Variants in RUNX2 observed in about 807,000 individuals in gnomAD.
RUNX2 encodes RUNX family transcription factor 2.
Under a neutral mutation model 51.7 loss-of-function variants are expected in RUNX2, and 10 were observed. The observed-to-expected ratio is 0.19, with a 90% confidence interval of 0.12 to 0.33. The LOEUF (loss-of-function observed/expected upper bound fraction) is 0.33. Among genes scored for constraint, RUNX2 ranks in the 10% least tolerant of loss-of-function variants. RUNX2 has a pLI of 1.00. For missense variants in RUNX2, 562 were observed against 691.3 expected, an observed-to-expected ratio of 0.81 and a Z score of 2.10; for synonymous variants, 276 against 273.6, an observed-to-expected ratio of 1.01 and a Z score of -0.09.
intron 7 of RUNX2, among the ~76,000 whole-genome samples, chr6:45,544,700 G>A (rs1582229590): frequency 6.6e-6 from 1 of 152,228 alleles, no homozygotes. Context: ...CCTGCCCATC[G>A]CTGTTAGTTC....
intron 6 of RUNX2, among the ~76,000 whole-genome samples, chr6:45,500,178 C>A (rs759408498): frequency 2.0e-5 from 3 of 152,044 alleles, no homozygotes; most frequent in Non-Finnish European, 4.4e-5. Context: ...CTTCACATAT[C>A]CATTATTTAT....
intron 5 of RUNX2, among the ~76,000 whole-genome samples, chr6:45,479,761 C>T (rs928636893): frequency 2.0e-5 from 3 of 152,246 alleles, no homozygotes; most frequent in Admixed American, 6.5e-5. Context: ...TAAATGTAAT[C>T]GCTCGAAGGA....
intron 2 of RUNX2, among the ~76,000 whole-genome samples, chr6:45,388,156 A>G (rs76142748): frequency 0.041 from 6,234 of 152,308 alleles, 176 homozygotes; most frequent in Non-Finnish European, 0.064. Flanking sequence ...TAGACCCTAG[A>G]AAAGAGCCCA....
chr6:45,469,767 G>A lies in RUNX2; in HGVS notation c.686-22174G>A, dbSNP rs115751427. Among the ~76,000 whole-genome samples, 1,002 of 152,252 alleles carry A rather than the reference G, an allele frequency of 6.6e-3. 9 individuals carry two copies. Among genetic ancestry groups the A allele is most frequent in the African/African-American group, 0.022 (902 of 41,538 alleles). On this transcript the variant is annotated intron_variant, in intron 5 of 8. Transcript: ENST00000647337. The stretch of plus-strand genomic sequence containing the variant: ...AACACATAGAGTCTAAAGAGTAAGC[G>A]AGATTTCCAAGAACTGAAAGCTTTC...
chr6:45,418,167 T>C (rs1798104271), intron 2 of RUNX2, among the ~76,000 whole-genome samples: 1 of 43,916 alleles, frequency 2.3e-5, no homozygotes, highest in Non-Finnish European at 5.4e-5. Flanking sequence ...ATTCTACTTT[T>C]CATCATAAGT....
chr6:45,422,981 C>G, intron 3 of RUNX2, 24 bp downstream of exon 3: 1 of 1,604,270 alleles, frequency 6.2e-7, no homozygotes, highest in Non-Finnish European at 8.5e-7. Flanking sequence ...CCGCCCCCCG[C>G]CCCCGGCCGG....
chr6:45,362,567 A>T (rs1171675752), intron 2 of RUNX2, among the ~76,000 whole-genome samples: 1 of 152,174 alleles, frequency 6.6e-6, no homozygotes, highest in African/African-American at 2.4e-5. Flanking sequence ...ATACCAGTAA[A>T]TTTAAAAGGA....
intron 3 of RUNX2, among the ~76,000 whole-genome samples, chr6:45,428,041 T>C (rs567792442): frequency 3.3e-5 from 5 of 152,176 alleles, no homozygotes; most frequent in South Asian, 2.1e-4. Flanking sequence ...GTAGATTTTA[T>C]ATTTTAAAAA....
At chr6:45,439,557 A>C (rs150628927) in intron 5 of RUNX2, among the ~76,000 whole-genome samples, 9 of 152,334 alleles carry the variant, frequency 5.9e-5, no homozygotes, top group Middle Eastern at 3.4e-3. Context: ...ATAGCAGGAT[A>C]GTTGGTTTTT....
At chr6:45,543,537 T>TATCACTGGG (rs1200695596) in intron 7 of RUNX2, among the ~76,000 whole-genome samples, 2 of 152,210 alleles carry the variant, frequency 1.3e-5, no homozygotes, top group Non-Finnish European at 2.9e-5. Flanking sequence ...GGCTGAGCTT[T>TATCACTGGG]GGTTTTATAT....
chr6:45,456,413 C>T (rs1300000673), intron 5 of RUNX2, among the ~76,000 whole-genome samples: 1 of 152,100 alleles, frequency 6.6e-6, no homozygotes, highest in Non-Finnish European at 1.5e-5. Context: ...AAATCTATTC[C>T]TTTAAAAACA....
At position 45,486,204 on chromosome 6, in the gene RUNX2, C is replaced by T. The variant is rs143227907; in HGVS notation, c.686-5737C>T. On this transcript the variant is annotated intron_variant, in intron 5 of 8. Coordinates refer to ENST00000647337, the MANE Select transcript of RUNX2 (RefSeq NM_001024630.4). Reference sequence around the variant, plus strand: ...CATATTCAGATTTTCTCAATTGATCCGCAATCATGGCATTTTAGTGATTGC... The same window carrying T: ...CATATTCAGATTTTCTCAATTGATCTGCAATCATGGCATTTTAGTGATTGC... Among the ~76,000 whole-genome samples, 510 of 152,174 alleles carry T rather than the reference C, an allele frequency of 3.4e-3. 1 individual carries two copies. Among genetic ancestry groups the T allele is most frequent in the Non-Finnish European group, 5.4e-3 (365 of 68,014 alleles).
chr6:45,333,675 T>TA (rs998803375), intron 2 of RUNX2, among the ~76,000 whole-genome samples: 2 of 151,342 alleles, frequency 1.3e-5, no homozygotes, highest in African/African-American at 4.8e-5. Context: ...TAACCTGATA[T>TA]AAAAAACAAT....
At chr6:45,533,972 G>A (rs1228975618) in intron 7 of RUNX2, among the ~76,000 whole-genome samples, 1 of 140,892 alleles carries the variant, frequency 7.1e-6, no homozygotes, top group Non-Finnish European at 1.5e-5. Context: ...TCGGCTCACT[G>A]CAACCTCCGC....
intron 2 of RUNX2, among the ~76,000 whole-genome samples, chr6:45,333,798 A>G (rs537660154): frequency 2.1e-4 from 32 of 151,360 alleles, no homozygotes; most frequent in Admixed American, 1.8e-3. Flanking sequence ...CCTCTACTCT[A>G]TATTCTTGTT....
intron 2 of RUNX2, among the ~76,000 whole-genome samples, chr6:45,346,621 G>A (rs1282029700): frequency 1.4e-5 from 2 of 146,142 alleles, no homozygotes; most frequent in Non-Finnish European, 3.0e-5. Flanking sequence ...AGGCCAAAGT[G>A]CAGTGGTGCG....
intron 2 of RUNX2, among the ~76,000 whole-genome samples, chr6:45,344,506 T>C (rs1356979962): frequency 6.6e-6 from 1 of 152,096 alleles, no homozygotes; most frequent in Non-Finnish European, 1.5e-5. Context: ...AGCCCATATA[T>C]GTACATTTTC....
intron 2 of RUNX2, chr6:45,365,428 C>T: frequency 3.2e-6 from 2 of 622,046 alleles, no homozygotes; most frequent in Admixed American, 3.0e-5. Flanking sequence ...TTGTTTTGCA[C>T]AAAACTGATT....
intron 5 of RUNX2, among the ~76,000 whole-genome samples, chr6:45,454,906 G>A (rs1215018010): frequency 6.6e-6 from 1 of 152,132 alleles, no homozygotes; most frequent in African/African-American, 2.4e-5. Context: ...TTGAGGTCAG[G>A]AGTTCGAGAC....
Sources: allele counts gnomAD v4.1 joint callset (sites outside exome capture counted in the v4.1 genomes callset), GRCh38; gene constraint gnomAD v4.1.1; transcripts MANE v1.5; gene names NCBI Gene and HGNC (gene_info 2026-07-23, HGNC 2026-07-21).